Variants in FSTL5 observed in about 807,000 individuals in gnomAD.
The protein encoded by FSTL5 is follistatin-related protein 5.
In FSTL5, 62 loss-of-function variants were observed where a neutral mutation model predicts 89.1. That is an observed-to-expected ratio of 0.70 (90% confidence interval 0.57 to 0.86). The LOEUF (loss-of-function observed/expected upper bound fraction) is 0.86. FSTL5 is among the 40% of genes least tolerant of loss of function. The pLI, the probability that FSTL5 is intolerant of heterozygous loss-of-function variation, is 0.00. For missense variants in FSTL5, 1,057 were observed against 1,001.6 expected, an observed-to-expected ratio of 1.06 and a Z score of -0.75; for synonymous variants, 383 against 346.2, an observed-to-expected ratio of 1.11 and a Z score of -1.18.
At chr4:161,913,229 A>G (rs1028361187) in intron 4 of FSTL5, among the ~76,000 whole-genome samples, 1 of 152,198 alleles carries the variant, frequency 6.6e-6, no homozygotes, top group African/African-American at 2.4e-5. Flanking sequence ...TTAATCTCCA[A>G]GACCATGGGG....
At chr4:161,582,380 T>C in intron 8 of FSTL5, among the ~76,000 whole-genome samples, 1 of 152,220 alleles carries the variant, frequency 6.6e-6, no homozygotes, top group East Asian at 1.9e-4. Flanking sequence ...AAATGTGCTA[T>C]TTGGTAGATA....
chr4:161,717,813 G>T (rs1473544772), intron 6 of FSTL5, among the ~76,000 whole-genome samples: 1 of 152,016 alleles, frequency 6.6e-6, no homozygotes, highest in Non-Finnish European at 1.5e-5. Context: ...TTCAGTTTTT[G>T]TATAAAGGTT....
intron 6 of FSTL5, among the ~76,000 whole-genome samples, chr4:161,682,089 T>C (rs974879900): frequency 6.6e-6 from 1 of 152,164 alleles, no homozygotes; most frequent in African/African-American, 2.4e-5. Context: ...TGTATCTAAA[T>C]ATTTCTAAAC....
At chr4:161,945,302 A>G (rs1338471068) in intron 3 of FSTL5, among the ~76,000 whole-genome samples, 1 of 152,180 alleles carries the variant, frequency 6.6e-6, no homozygotes, top group Non-Finnish European at 1.5e-5. Flanking sequence ...TTGTGAAAAC[A>G]TGTGTTATAT....
chr4:161,784,257 C>A (rs1375873844), intron 4 of FSTL5, among the ~76,000 whole-genome samples: 1 of 152,008 alleles, frequency 6.6e-6, no homozygotes, highest in Non-Finnish European at 1.5e-5. Context: ...ATATATTATG[C>A]TACATAGGCC....
At chr4:161,498,840 A>G (rs1361563395) in intron 12 of FSTL5, among the ~76,000 whole-genome samples, 1 of 152,174 alleles carries the variant, frequency 6.6e-6, no homozygotes, top group East Asian at 1.9e-4. Flanking sequence ...TATGTATTAC[A>G]TACATATATG....
At chr4:161,455,605 C>A (rs758018906) in intron 14 of FSTL5, among the ~76,000 whole-genome samples, 1 of 152,078 alleles carries the variant, frequency 6.6e-6, no homozygotes, top group Non-Finnish European at 1.5e-5. Flanking sequence ...ACGTTTTCCT[C>A]CTATCATTGA....
At chr4:161,542,496 G>A (rs1731856467) in intron 9 of FSTL5, 36 bp downstream of exon 9, 2 of 1,305,288 alleles carry the variant, frequency 1.5e-6, no homozygotes, top group Non-Finnish European at 2.0e-6. Flanking sequence ...TTTTCAACAT[G>A]GTCATTTAAG....
intron 1 of FSTL5, among the ~76,000 whole-genome samples, chr4:162,127,791 G>A (rs1204697378): frequency 4.6e-5 from 7 of 152,038 alleles, no homozygotes; most frequent in Non-Finnish European, 8.8e-5. Flanking sequence ...TTATAAACAA[G>A]GGTTGACATG....
intron 10 of FSTL5, 35 bp downstream of exon 10, chr4:161,538,131 G>T (rs1560943585): frequency 6.9e-6 from 11 of 1,598,004 alleles, no homozygotes; most frequent in Non-Finnish European, 8.6e-6. Flanking sequence ...CGTTGAATAT[G>T]GTGTGTGTGT....
At chr4:161,943,416 T>A (rs1734645850) in intron 3 of FSTL5, among the ~76,000 whole-genome samples, 1 of 151,760 alleles carries the variant, frequency 6.6e-6, no homozygotes, top group African/African-American at 2.4e-5. Context: ...TTTCCATTTA[T>A]TCTGCTCATG....
At chr4:161,596,959 AT>A (rs1734036073) in intron 7 of FSTL5, among the ~76,000 whole-genome samples, 1 of 151,800 alleles carries the variant, frequency 6.6e-6, no homozygotes, top group Non-Finnish European at 1.5e-5. Context: ...GATTGCAAAA[AT>A]TTTCTCCCAT....
Position 161,678,437 on chromosome 4 carries a change from T to C in FSTL5, c.728-21943A>G, listed in dbSNP as rs137938965. Among the ~76,000 whole-genome samples, 904 of 151,992 alleles carry C rather than the reference T, an allele frequency of 5.9e-3. 9 individuals are homozygous for C. Among genetic ancestry groups the C allele is most frequent in the South Asian group, 0.045 (218 of 4,818 alleles). ...TTAAGGCCTACATTCTTTCAAGTTTTGTTTTCAGCATTACTGCTGCTGTTG... is the reference window on the plus strand; with the variant it reads ...TTAAGGCCTACATTCTTTCAAGTTTCGTTTTCAGCATTACTGCTGCTGTTG... On this transcript the variant is annotated intron_variant, in intron 6 of 15. Transcript: ENST00000306100.
intron 6 of FSTL5, among the ~76,000 whole-genome samples, chr4:161,721,151 G>A (rs996860806): frequency 1.1e-4 from 17 of 151,642 alleles, no homozygotes; most frequent in East Asian, 9.7e-4. Flanking sequence ...GGTGGCGGGC[G>A]CCTGTAGTCC....
intron 4 of FSTL5, among the ~76,000 whole-genome samples, chr4:161,841,030 C>G (rs1731196366): frequency 6.6e-6 from 1 of 152,160 alleles, no homozygotes; most frequent in Non-Finnish European, 1.5e-5. Flanking sequence ...ATCACATTTT[C>G]TGTCAAAGGT....
chr4:161,816,911 CTG>C (rs1730341657), intron 4 of FSTL5, among the ~76,000 whole-genome samples: 1 of 152,154 alleles, frequency 6.6e-6, no homozygotes, highest in Non-Finnish European at 1.5e-5. Context: ...TGTAATTAAT[CTG>C]TGTCTATCTC....
chr4:161,956,519 A>C (rs1424819462), intron 3 of FSTL5, among the ~76,000 whole-genome samples: 1 of 151,948 alleles, frequency 6.6e-6, no homozygotes, highest in East Asian at 1.9e-4. Context: ...GAAACAGAAA[A>C]TATTTGCAAC....
rs1488026438 is a variant in FSTL5, at chr4:161,671,207, A to G, written c.728-14713T>C. On this transcript the variant is annotated intron_variant, in intron 6 of 15. Transcript: ENST00000306100. The stretch of plus-strand genomic sequence containing the variant: ...ATCACCACACGTGTGCAACTAGAGC[A>G]CTAACTCAGGTAGATTGCAGAAGAG... Among the ~76,000 whole-genome samples the G allele has an allele frequency of 2.0e-5, 3 of 152,332 alleles. No individual in the cohort carries two copies. In the East Asian group the frequency reaches 5.8e-4, roughly 29 times the overall value.
At chr4:162,009,446 C>A (rs1411020142) in intron 3 of FSTL5, among the ~76,000 whole-genome samples, 1 of 151,852 alleles carries the variant, frequency 6.6e-6, no homozygotes, top group Non-Finnish European at 1.5e-5. Context: ...AAGGCAAAAG[C>A]ACAAAATGAA....
Sources: allele counts gnomAD v4.1 joint callset (sites outside exome capture counted in the v4.1 genomes callset), GRCh38; gene constraint gnomAD v4.1.1; transcripts MANE v1.5; gene names NCBI Gene and HGNC (gene_info 2026-07-23, HGNC 2026-07-21).